Variants in MYO1E observed in about 807,000 individuals in gnomAD.
The protein encoded by MYO1E is myosin IE.
Under a neutral mutation model 151.1 loss-of-function variants are expected in MYO1E, and 68 were observed. The observed-to-expected ratio is 0.45, with a 90% CI of 0.37 to 0.55. The LOEUF (loss-of-function observed/expected upper bound fraction) is 0.55. Among genes scored for constraint, MYO1E ranks in the 20% least tolerant of loss-of-function variants. The probability of loss-of-function intolerance (pLI) is 0.00; values close to 1 mark genes in which losing one functional copy is unlikely to be tolerated. For missense variants in MYO1E, 1,363 were observed against 1,389.3 expected (o/e 0.98, Z 0.30); for synonymous variants, 601 against 501.7 (o/e 1.20, Z -2.64).
At chr15:59,320,036 T>A (rs2140416212) in intron 1 of MYO1E, among the ~76,000 whole-genome samples, 1 of 152,262 alleles carries the variant, frequency 6.6e-6, no homozygotes, top group Non-Finnish European at 1.5e-5. Flanking sequence ...CCAATGACAT[T>A]CAAGTTGTGA....
chr15:59,249,041 C>G (rs1418505874), intron 4 of MYO1E, among the ~76,000 whole-genome samples: 1 of 152,172 alleles, frequency 6.6e-6, no homozygotes, highest in Non-Finnish European at 1.5e-5. Context: ...GCTGTTTTGA[C>G]AAATCAAGTT....
At chr15:59,266,663 C>CTTTTTTTTTT (rs34640095) in intron 2 of MYO1E, 19 of 130,342 alleles carry the variant, frequency 1.5e-4, no homozygotes, top group East Asian at 7.1e-4. Context: ...TTTTGCTGTT[C>CTTTTTTTTTT]TTTTTTTTTT....
chr15:59,164,238 G>T (rs141272889), intron 22 of MYO1E, among the ~76,000 whole-genome samples: 1 of 152,292 alleles, frequency 6.6e-6, no homozygotes, highest in South Asian at 2.1e-4. Context: ...GGTGAATGGG[G>T]CCACCACCCC....
intron 1 of MYO1E, among the ~76,000 whole-genome samples, chr15:59,358,864 G>A (rs2080869649): frequency 6.6e-6 from 1 of 152,094 alleles, no homozygotes; most frequent in African/African-American, 2.4e-5. Context: ...TTCCTGAACT[G>A]TGGGTTAAGA....
chr15:59,244,040 C>T (rs1287223671), intron 4 of MYO1E, among the ~76,000 whole-genome samples: 4 of 152,160 alleles, frequency 2.6e-5, no homozygotes, highest in African/African-American at 7.2e-5. Context: ...CATGCCATGG[C>T]TAATGGTATA....
chr15:59,245,370 C>T (rs544970869), intron 4 of MYO1E, among the ~76,000 whole-genome samples: 3 of 152,254 alleles, frequency 2.0e-5, no homozygotes, highest in East Asian at 1.9e-4. Context: ...TTGAAGCACA[C>T]GGGTCAGAAA....
intron 4 of MYO1E, among the ~76,000 whole-genome samples, chr15:59,249,289 G>A (rs777121691): frequency 2.6e-5 from 4 of 152,104 alleles, no homozygotes; most frequent in Non-Finnish European, 5.9e-5. Context: ...GCTGGGTGTG[G>A]TGGCAGGTGC....
At chr15:59,194,967 C>G (rs2079756854) in intron 17 of MYO1E, among the ~76,000 whole-genome samples, 1 of 151,812 alleles carries the variant, frequency 6.6e-6, no homozygotes, top group Non-Finnish European at 1.5e-5. Context: ...CAATACGGTG[C>G]TTAGGGGGAA....
At chr15:59,143,470 G>C (rs137998796) in intron 26 of MYO1E, among the ~76,000 whole-genome samples, 1 of 152,282 alleles carries the variant, frequency 6.6e-6, no homozygotes, top group Non-Finnish European at 1.5e-5. Flanking sequence ...TGCTTTGCTG[G>C]GGCGGCATAT....
At position 59,230,565 on chromosome 15, in the gene MYO1E, C is replaced by T. The variant is rs180692153; in HGVS notation, c.510+1137G>A. On this transcript the variant is annotated intron_variant, in intron 6 of 27. Coordinates refer to ENST00000288235, the MANE Select transcript of MYO1E (RefSeq NM_004998.4). ...TGGAAAATTTGTTTAATTCTTCTTT[C>T]CTATTTTATTATCTGGAAAACTTCT... 2.8e-3 allele frequency among the ~76,000 whole-genome samples: 427 copies of T among 151,946 alleles called. 2 individuals are homozygous for T. The highest frequency in any genetic ancestry group is 9.9e-3 in the African/African-American group (412 of 41,458).
chr15:59,321,075 A>C (rs562384680), intron 1 of MYO1E, among the ~76,000 whole-genome samples: 2 of 152,360 alleles, frequency 1.3e-5, no homozygotes, highest in East Asian at 3.9e-4. Context: ...TGTTAAAAAA[A>C]TGAAAAAATG....
At chr15:59,204,960 G>C (rs1257805282) in intron 15 of MYO1E, among the ~76,000 whole-genome samples, 2 of 152,192 alleles carry the variant, frequency 1.3e-5, no homozygotes, top group Non-Finnish European at 2.9e-5. Context: ...TAGAAAGCCT[G>C]AGGCCCTGAA....
At chr15:59,191,900 G>A (rs965069979) in intron 17 of MYO1E, among the ~76,000 whole-genome samples, 1 of 152,130 alleles carries the variant, frequency 6.6e-6, no homozygotes, top group African/African-American at 2.4e-5. Context: ...AAATTGATCA[G>A]GGCTAGAGAA....
intron 9 of MYO1E, among the ~76,000 whole-genome samples, chr15:59,222,446 T>TC (rs2079961769): frequency 6.6e-6 from 1 of 152,166 alleles, no homozygotes; most frequent in Non-Finnish European, 1.5e-5. Flanking sequence ...TGATTTTTTT[T>TC]CTCAAAGAGT....
chr15:59,273,740 G>A (rs1323141811), intron 1 of MYO1E, among the ~76,000 whole-genome samples: 1 of 152,200 alleles, frequency 6.6e-6, no homozygotes. Flanking sequence ...TGAAGTAATG[G>A]CAAATATTAC....
At chr15:59,297,139 A>G (rs1418356002) in intron 1 of MYO1E, among the ~76,000 whole-genome samples, 3 of 151,158 alleles carry the variant, frequency 2.0e-5, no homozygotes, top group Non-Finnish European at 4.4e-5. Context: ...GGCGCGAGCC[A>G]CCGCACCCGG....
chr15:59,178,645 A>G lies in MYO1E; in HGVS notation c.1905-108T>C, dbSNP rs552473518. The G allele has an allele frequency of 3.2e-4, 443 of 1,391,746 alleles. 4 individuals are homozygous for G. The South Asian group carries it at 5.6e-3, about 18-fold the overall frequency. 86.2% of individuals were successfully genotyped at this position (1,391,746 alleles called of 1,614,324 possible). Reference sequence around the variant, plus strand: ...GCTCTGAAGGTGCCCAGTGCTGCAAAGTTACTGATCATCTGTTTACCAGCG... The same window carrying G: ...GCTCTGAAGGTGCCCAGTGCTGCAAGGTTACTGATCATCTGTTTACCAGCG... On this transcript the variant is annotated intron_variant, in intron 18 of 27. Transcript: ENST00000288235.
chr15:59,372,454 C>A (rs1266044614), intron 1 of MYO1E, 44 bp downstream of exon 1: 1 of 1,536,770 alleles, frequency 6.5e-7, no homozygotes, highest in South Asian at 1.2e-5. Flanking sequence ...TTTCCTGCCC[C>A]GTCCCCGGGT....
intron 17 of MYO1E, among the ~76,000 whole-genome samples, chr15:59,189,504 T>TTTTC (rs36067704): frequency 0.52 from 78,667 of 150,194 alleles, 22,444 homozygotes; most frequent in Non-Finnish European, 0.67. Context: ...TTTCTTTTTC[T>TTTTC]TTTCTTTCTT....
Sources: gnomAD v4.1 joint callset for allele counts (sites outside exome capture counted in the v4.1 genomes callset) on GRCh38, gnomAD v4.1.1 for gene constraint, MANE v1.5 for transcripts, NCBI Gene and HGNC (gene_info 2026-07-23, HGNC 2026-07-21) for gene names.